RIC3: variants seen among roughly 807,000 people sequenced by gnomAD.
RIC3 encodes the protein RIC3 acetylcholine receptor chaperone, also known as protein RIC-3.
In RIC3, 28 loss-of-function variants were observed where a neutral mutation model predicts 27.3. That is an observed-to-expected ratio of 1.02 (90% confidence interval 0.76 to 1.41). RIC3 has a LOEUF of 1.41. Among genes scored for constraint, RIC3 ranks in the 40% most tolerant of loss-of-function variants. The pLI, the probability that RIC3 is intolerant of heterozygous loss-of-function variation, is 0.00. For missense variants in RIC3, 501 were observed against 444.7 expected (o/e 1.13, Z -1.14); for synonymous variants, 184 against 160.4 (o/e 1.15, Z -1.11).
At chr11:8,134,204 T>A (rs570179824) in intron 4 of RIC3, among the ~76,000 whole-genome samples, 19 of 152,278 alleles carry the variant, frequency 1.2e-4, no homozygotes, top group African/African-American at 3.6e-4. Flanking sequence ...GTCCAAGTGT[T>A]CTCATTGTTC....
At chr11:8,159,968 T>C (rs1363386711) in intron 1 of RIC3, among the ~76,000 whole-genome samples, 1 of 151,498 alleles carries the variant, frequency 6.6e-6, no homozygotes, top group Non-Finnish European at 1.5e-5. Flanking sequence ...CACTCCAGCC[T>C]GAGAAAAAAC....
chr11:8,138,047 T>C (rs1028104675), intron 3 of RIC3, among the ~76,000 whole-genome samples: 2 of 152,214 alleles, frequency 1.3e-5, no homozygotes, highest in African/African-American at 4.8e-5. Flanking sequence ...ACGTGAAATA[T>C]TAATTTGCTA....
chr11:8,120,501 G>C (rs919226461), intron 5 of RIC3, among the ~76,000 whole-genome samples: 5 of 152,108 alleles, frequency 3.3e-5, no homozygotes, highest in African/African-American at 1.2e-4. Context: ...CACAGGGTGA[G>C]GAACATCATA....
chr11:8,094,296 T>G, the RIC3 span: 7 of 1,388,596 alleles, frequency 5.0e-6, no homozygotes. Flanking sequence ...ATGAACAGCC[T>G]CAGGGAAGAC....
chr11:8,120,343 T>C (rs1946303196), intron 5 of RIC3, among the ~76,000 whole-genome samples: 1 of 152,168 alleles, frequency 6.6e-6, no homozygotes, highest in South Asian at 2.1e-4. Flanking sequence ...ATATACACCA[T>C]GGAATACTAT....
rs529143706 is a variant in RIC3, at chr11:8,110,568, T to G, written c.*130A>C. On this transcript the variant is annotated 3_prime_UTR_variant, in exon 6 of 6. Coordinates refer to ENST00000309737, the MANE Select transcript of RIC3 (RefSeq NM_001206671.4). ...CACCAGGAAGGATACATGATATCCA[T>G]GATAGTGGCCTGATAGCTATGACAC... The G allele has an allele frequency of 2.4e-6, 2 of 824,168 alleles. No homozygotes were observed. The highest frequency in any genetic ancestry group is 3.3e-5 in the African/African-American group (2 of 60,118). The allele number at this position is 824,168 out of a possible 1,614,324, so 51.1% of individuals were successfully genotyped here.
chr11:8,130,782 C>T (rs1192995679), intron 4 of RIC3, among the ~76,000 whole-genome samples: 7 of 151,772 alleles, frequency 4.6e-5, no homozygotes, highest in Non-Finnish European at 8.8e-5. Context: ...GGAGAGAGGA[C>T]CCAGGCAAAC....
chr11:8,106,145 C>G lies in RIC3; in HGVS notation c.*4553G>C, dbSNP rs1272066122. 6.6e-6 allele frequency: 1 copy of G among 151,732 alleles called. No individual in the cohort carries two copies. Among genetic ancestry groups the G allele is most frequent in the African/African-American group, 2.4e-5 (1 of 41,412 alleles). 9.4% of individuals were successfully genotyped at this position (151,732 alleles called of 1,614,324 possible). On this transcript the variant is annotated 3_prime_UTR_variant, in exon 6 of 6. Transcript: ENST00000309737. ...ATTTATTGGTATGTGCAATGACAAACTTGGTATTTTCCCATGTTGACATTA... is the reference window on the plus strand; with the variant it reads ...ATTTATTGGTATGTGCAATGACAAAGTTGGTATTTTCCCATGTTGACATTA...
At chr11:8,113,818 C>T in intron 5 of RIC3, among the ~76,000 whole-genome samples, 1 of 152,204 alleles carries the variant, frequency 6.6e-6, no homozygotes, top group South Asian at 2.1e-4. Context: ...ATCCATCAGA[C>T]TCAGCCTCCA....
intron 2 of RIC3, chr11:8,139,636 ATTTTT>A (rs72265360): frequency 4.3e-5 from 4 of 92,696 alleles, no homozygotes; most frequent in African/African-American, 4.8e-5. Flanking sequence ...AAAGATGTTA[ATTTTT>A]TTTTTTTTTT....
the RIC3 span, chr11:8,100,960 C>T: frequency 6.2e-7 from 1 of 1,614,160 alleles, no homozygotes; most frequent in East Asian, 2.2e-5. Context: ...TCACACAGGC[C>T]TCCGTGAAGA....
chr11:8,101,565 G>T (rs767375278), downstream of RIC3: 2 of 1,614,250 alleles, frequency 1.2e-6, no homozygotes, highest in East Asian at 4.5e-5. Context: ...TGTGTGCACT[G>T]CAGGCCTTTG....
Position 8,124,108 on chromosome 11 carries a change from A to C in RIC3, c.670+2551T>G, listed in dbSNP as rs556479288. On this transcript the variant is annotated intron_variant, in intron 5 of 5. Transcript: ENST00000309737. ...GAAAGAAAAAGAAAAAGAAAAAGAGAAAGCAAGCAAGCAAGCAAGCAAGCA... is the reference window on the plus strand; with the variant it reads ...GAAAGAAAAAGAAAAAGAAAAAGAGCAAGCAAGCAAGCAAGCAAGCAAGCA... Among the ~76,000 whole-genome samples, 39 of 150,736 alleles carry C rather than the reference A, an allele frequency of 2.6e-4. No homozygotes were observed. In the South Asian group the frequency reaches 4.7e-3, roughly 18 times the overall value.
At chr11:8,160,024 T>C in intron 1 of RIC3, among the ~76,000 whole-genome samples, 1 of 151,584 alleles carries the variant, frequency 6.6e-6, no homozygotes, top group South Asian at 2.1e-4. Flanking sequence ...GGTAAAATTG[T>C]AAAAAAAGAA....
chr11:8,134,519 C>G (rs1338651464), intron 4 of RIC3, among the ~76,000 whole-genome samples: 2 of 152,116 alleles, frequency 1.3e-5, no homozygotes, highest in Admixed American at 6.5e-5. Context: ...CCAGTAATGG[C>G]ATGGCTGGGT....
chr11:8,125,127 G>A (rs978213439), intron 5 of RIC3, among the ~76,000 whole-genome samples: 3 of 151,878 alleles, frequency 2.0e-5, no homozygotes, highest in Non-Finnish European at 2.9e-5. Context: ...GGTGGCAGGC[G>A]CCTGTAGTCC....
At chr11:8,168,155 C>A (rs532992588) in intron 1 of RIC3, among the ~76,000 whole-genome samples, 1 of 152,186 alleles carries the variant, frequency 6.6e-6, no homozygotes, top group Non-Finnish European at 1.5e-5. Flanking sequence ...CTTCTCCCAG[C>A]CTTCAGCACC....
chr11:8,115,912 G>C (rs1245995201), intron 5 of RIC3, among the ~76,000 whole-genome samples: 1 of 151,940 alleles, frequency 6.6e-6, no homozygotes, highest in Non-Finnish European at 1.5e-5. Flanking sequence ...AATTCATATG[G>C]AACCACAAAA....
chr11:8,126,847 A>C, intron 4 of RIC3, 40 bp from the exon 5 acceptor site: 1 of 1,611,886 alleles, frequency 6.2e-7, no homozygotes, highest in Non-Finnish European at 8.5e-7. Context: ...AGTGGTAAAT[A>C]CTCCTAGGCA....
Sources: allele counts gnomAD v4.1 joint callset (sites outside exome capture counted in the v4.1 genomes callset), GRCh38; gene constraint gnomAD v4.1.1; transcripts MANE v1.5; gene names NCBI Gene and HGNC (gene_info 2026-07-23, HGNC 2026-07-21).